Variants in RTEL1 observed in about 807,000 individuals in gnomAD.
RTEL1 encodes the protein regulator of telomere elongation helicase 1.
In RTEL1, 86 loss-of-function variants were observed where a neutral mutation model predicts 162.2. That is an observed-to-expected ratio of 0.53 (90% CI 0.45 to 0.63). The LOEUF (loss-of-function observed/expected upper bound fraction) is 0.63. Among genes scored for constraint, RTEL1 ranks in the 30% least tolerant of loss-of-function variants. RTEL1 has a pLI of 0.00. For missense variants in RTEL1, 1,941 were observed against 1,750.2 expected, an observed-to-expected ratio of 1.11 and a Z score of -1.95; for synonymous variants, 958 against 717.9, an observed-to-expected ratio of 1.33 and a Z score of -5.35.
rs3848672 is a variant in RTEL1 at position 63,692,936 on chromosome 20, C to T, written c.2784C>T (p.Phe928=). 0.17 allele frequency: 272,261 copies of T among 1,612,538 alleles called. 29,556 individuals carry two copies. Among genetic ancestry groups the T allele is most frequent in the East Asian group, 0.52 (23,488 of 44,880 alleles). The part of the protein sequence containing the change: ...ALQDYKGSDD[F]AALAACLGPL... ...AGGACTACAAGGGTTCCGATGACTT[C>T]GCCGCCCTGGCCGCCTGTCTCGGCC... Residue 928 remains phenylalanine (F), a synonymous_variant, in exon 29 of 35, where the codon TTC becomes TTT. Transcript: ENST00000360203.
At chr20:63,674,617 C>G (rs187635658) in intron 10 of RTEL1, among the ~76,000 whole-genome samples, 1 of 151,882 alleles carries the variant, frequency 6.6e-6, no homozygotes, top group Admixed American at 6.6e-5. Flanking sequence ...GGGAGGCGTG[C>G]TTGAGCCTGG....
At chr20:63,659,602 C>T (rs544693377) in intron 2 of RTEL1, 98 bp downstream of exon 2, 9 of 904,332 alleles carry the variant, frequency 1.0e-5, no homozygotes, top group Non-Finnish European at 1.6e-5. Context: ...CCAGGCCCCT[C>T]CGGGCCAGAG....
In RTEL1 at chr20:63,691,296, G is replaced by A. The variant is rs547303055; in HGVS notation, c.2556+349G>A. ...TGGCCTTTCTCCAGGAATGTGCTGC[G>A]GGTGGAACCCAGGTTCCTTCTTCCT... On this transcript the variant is annotated intron_variant, in intron 27 of 34. Coordinates refer to ENST00000360203, the MANE Select transcript of RTEL1 (RefSeq NM_001283009.2). 3.9e-5 allele frequency among the ~76,000 whole-genome samples: 6 copies of A among 152,274 alleles called. No homozygotes were observed. The South Asian group carries it at 8.3e-4, about 21-fold the overall frequency.
chr20:63,659,529 G>T, intron 2 of RTEL1, 25 bp downstream of exon 2: 1 of 1,549,540 alleles, frequency 6.5e-7, no homozygotes, highest in Non-Finnish European at 8.9e-7. Flanking sequence ...CCGAGGAAAG[G>T]ACTGCGGGTG....
intron 30 of RTEL1, 182 bp from the exon 31 acceptor site, chr20:63,694,190 C>G (rs1388018721): frequency 3.2e-6 from 2 of 617,464 alleles, no homozygotes; most frequent in Admixed American, 5.4e-5. Flanking sequence ...TGTTCCAGCC[C>G]CCATCCAGCA....
chr20:63,688,072 C>T (rs771408324), intron 18 of RTEL1, 22 bp downstream of exon 18: 2 of 1,612,142 alleles, frequency 1.2e-6, no homozygotes, highest in East Asian at 2.2e-5. Flanking sequence ...TCCCTGGGCC[C>T]TGCTGGGGTG....
chr20:63,675,740 C>T (rs573498848), intron 10 of RTEL1, among the ~76,000 whole-genome samples: 6 of 152,272 alleles, frequency 3.9e-5, no homozygotes, highest in Non-Finnish European at 7.4e-5. Flanking sequence ...TTGAACGCTC[C>T]ACCTCCCTCC....
intron 16 of RTEL1, chr20:63,686,951 A>G: frequency 6.4e-6 from 1 of 155,870 alleles, no homozygotes; most frequent in Non-Finnish European, 1.4e-5. Context: ...GAGCTCCTGG[A>G]GGAGGGGGTG....
At chr20:63,679,164 C>T (rs4809322) in intron 12 of RTEL1, among the ~76,000 whole-genome samples, 16,280 of 152,228 alleles carry the variant, frequency 0.11, 1,049 homozygotes, top group Admixed American at 0.21. Context: ...GCTGTCTGTC[C>T]TGCAGGCAGA....
rs2090913163 is a variant in RTEL1, at chr20:63,694,410, G to A, written c.3031G>A (p.Ala1011Thr). The A allele has an allele frequency of 4.3e-6, 7 of 1,612,396 alleles. No individual in the cohort carries two copies. Among genetic ancestry groups the A allele is most frequent in the East Asian group, 2.2e-5 (1 of 44,868 alleles). The change falls in exon 31 of 35, where the codon GCT (alanine) becomes ACT (threonine). Residue 1011 changes from alanine (A) to threonine (T), a missense_variant. By Grantham distance (58) the Ala-to-Thr change is moderately conservative. Transcript: ENST00000360203. ...APDPKLTVST[A>T]AAQQLDPQEH... The stretch of plus-strand genomic sequence containing the variant: ...GGATCCCAAGCTGACCGTGTCCACG[G>A]CTGCAGCCCAGCAGCTGGACCCCCA...
rs1462211462 is a variant in RTEL1 at position 63,658,361 on chromosome 20, T to A, written c.-276T>A. The A allele has an allele frequency of 6.6e-6, 1 of 152,390 alleles. No homozygotes were observed. The highest frequency in any genetic ancestry group is 2.4e-5 in the African/African-American group (1 of 41,454). 9.4% of individuals were successfully genotyped at this position (152,390 alleles called of 1,614,324 possible). A position where few individuals can be genotyped will look rare whatever the true frequency, so the allele number is the denominator to read the frequency against. On this transcript the variant is annotated 5_prime_UTR_variant, in exon 1 of 35. Transcript: ENST00000360203. ...ACTGCGCGCCTCTGCCCGCGAAAAC[T>A]CTGAGCTGGCTGACAGCTGGGGACG...
At chr20:63,683,966 TGCCGAC>T (rs1321121948) in intron 14 of RTEL1, among the ~76,000 whole-genome samples, 304 of 144,448 alleles carry the variant, frequency 2.1e-3, no homozygotes, top group African/African-American at 3.0e-3. Context: ...GAGGATCCCA[TGCCGAC>T]ATACATATTC....
At chr20:63,665,422 C>G (rs1486585195) in intron 6 of RTEL1, 6 of 152,986 alleles carry the variant, frequency 3.9e-5, no homozygotes, top group Admixed American at 2.0e-4. Flanking sequence ...ACTTCTGAAG[C>G]CTTTTCTGCC....
At chr20:63,666,213 C>G in intron 7 of RTEL1, 134 bp downstream of exon 7, 1 of 734,844 alleles carries the variant, frequency 1.4e-6, no homozygotes, top group Non-Finnish European at 2.2e-6. Context: ...CCATTCAGTA[C>G]GAAAAAGTTT....
At chr20:63,690,633 C>T (rs529008157) in intron 26 of RTEL1, among the ~76,000 whole-genome samples, 172 bp from the exon 27 acceptor site, 34 of 152,206 alleles carry the variant, frequency 2.2e-4, no homozygotes, top group Admixed American at 1.4e-3. Flanking sequence ...AGGCAGAGAA[C>T]GCCCCAGGCA....
intron 14 of RTEL1, among the ~76,000 whole-genome samples, chr20:63,684,164 CT>C (rs1444280497): frequency 1.3e-5 from 2 of 152,198 alleles, no homozygotes; most frequent in East Asian, 3.8e-4. Flanking sequence ...TCCATGCCTT[CT>C]GACGTCACCT....
At chr20:63,667,111 T>C (rs1289974116) in intron 7 of RTEL1, among the ~76,000 whole-genome samples, 2 of 152,320 alleles carry the variant, frequency 1.3e-5, no homozygotes, top group Middle Eastern at 3.4e-3. Context: ...AGTGCTGGGA[T>C]TACAGGAGTG....
intron 22 of RTEL1, 75 bp from the exon 23 acceptor site, chr20:63,689,427 G>C: frequency 2.8e-6 from 4 of 1,441,346 alleles, no homozygotes; most frequent in East Asian, 2.5e-5. Flanking sequence ...CCTCGGGGAA[G>C]GTGGCTGGGC....
intron 30 of RTEL1, among the ~76,000 whole-genome samples, chr20:63,693,817 C>T (rs1340942946): frequency 1.4e-5 from 2 of 143,128 alleles, no homozygotes; most frequent in Admixed American, 7.1e-5. Flanking sequence ...CATGCACAGC[C>T]CTGTCCCTGC....
Sources: gnomAD v4.1 joint callset for allele counts (sites outside exome capture counted in the v4.1 genomes callset) on GRCh38, gnomAD v4.1.1 for gene constraint, MANE v1.5 for transcripts, NCBI Gene and HGNC (gene_info 2026-07-23, HGNC 2026-07-21) for gene names.